Variants in UNC5C observed in about 807,000 individuals in gnomAD.
UNC5C encodes netrin receptor UNC5C.
A neutral mutation model predicts 99.8 loss-of-function variants in UNC5C; 47 were observed. The observed-to-expected ratio is 0.47, with a 90% CI of 0.37 to 0.60. The LOEUF is 0.60. Among genes scored for constraint, UNC5C ranks in the 20% least tolerant of loss-of-function variants. UNC5C has a pLI of 0.00. For synonymous variants in UNC5C, 487 were observed against 452.2 expected, an observed-to-expected ratio of 1.08 and a Z score of -0.98; for missense variants, 1,062 against 1,165.9, an observed-to-expected ratio of 0.91 and a Z score of 1.30.
chr4:95,376,159 C>T (rs891154393), intron 1 of UNC5C, among the ~76,000 whole-genome samples: 13 of 151,738 alleles, frequency 8.6e-5, no homozygotes, highest in Non-Finnish European at 1.9e-4. Context: ...GATATCTGTT[C>T]CTTTCTATAT....
chr4:95,250,362 G>T, intron 5 of UNC5C, 125 bp downstream of exon 5: 1 of 1,039,294 alleles, frequency 9.6e-7, no homozygotes, highest in Non-Finnish European at 1.4e-6. Context: ...GCCAGCCTGG[G>T]TGACAGAGCA....
At chr4:95,304,973 C>G (rs866168454) in intron 2 of UNC5C, among the ~76,000 whole-genome samples, 13 of 152,288 alleles carry the variant, frequency 8.5e-5, no homozygotes, top group South Asian at 4.1e-4. Context: ...GACCACAAAT[C>G]TGAAGCCTTT....
At chr4:95,301,835 C>T (rs1321407846) in intron 2 of UNC5C, 86 bp from the exon 3 acceptor site, 1 of 1,499,874 alleles carries the variant, frequency 6.7e-7, no homozygotes, top group African/African-American at 1.4e-5. Context: ...TTCCCCCAGT[C>T]ATCCCTTTTG....
intron 2 of UNC5C, among the ~76,000 whole-genome samples, chr4:95,321,930 G>T (rs1742707765): frequency 6.6e-6 from 1 of 152,102 alleles, no homozygotes; most frequent in Admixed American, 6.5e-5. Flanking sequence ...ATACTGAAAA[G>T]AAAAATTGTT....
At chr4:95,329,074 T>C (rs1377640904) in intron 2 of UNC5C, among the ~76,000 whole-genome samples, 1 of 152,084 alleles carries the variant, frequency 6.6e-6, no homozygotes, top group Admixed American at 6.6e-5. Flanking sequence ...CAGGATCACT[T>C]GAGCACAGGA....
chr4:95,203,776 CAT>C (rs1289865410), intron 11 of UNC5C, among the ~76,000 whole-genome samples: 1 of 152,010 alleles, frequency 6.6e-6, no homozygotes, highest in Non-Finnish European at 1.5e-5. Context: ...AACTTTTTAA[CAT>C]GTTTTATATA....
chr4:95,538,010 C>T (rs1722824586), intron 1 of UNC5C, among the ~76,000 whole-genome samples: 1 of 152,170 alleles, frequency 6.6e-6, no homozygotes, highest in African/African-American at 2.4e-5. Context: ...TAAGCTTCTC[C>T]ATATGATTTT....
chr4:95,541,110 C>T (rs555900674), intron 1 of UNC5C, among the ~76,000 whole-genome samples: 2 of 152,072 alleles, frequency 1.3e-5, no homozygotes, highest in Non-Finnish European at 1.5e-5. Context: ...CTCCTTTTAC[C>T]TTTAGTAAAG....
intron 1 of UNC5C, among the ~76,000 whole-genome samples, chr4:95,539,548 G>C (rs1278968584): frequency 6.6e-6 from 1 of 152,120 alleles, no homozygotes; most frequent in Non-Finnish European, 1.5e-5. Context: ...AAGTTAAAAA[G>C]TTTTTTCCAT....
intron 14 of UNC5C, among the ~76,000 whole-genome samples, chr4:95,175,712 A>AT (rs1421809716): frequency 3.9e-5 from 6 of 152,106 alleles, no homozygotes; most frequent in African/African-American, 1.2e-4. Flanking sequence ...GAATCTGACA[A>AT]TTATGTGTCT....
chr4:95,477,628 C>G (rs201274211), intron 1 of UNC5C, among the ~76,000 whole-genome samples: 1 of 151,984 alleles, frequency 6.6e-6, no homozygotes, highest in African/African-American at 2.4e-5. Context: ...GTTCATTCAC[C>G]CAGCAGCCTT....
intron 1 of UNC5C, among the ~76,000 whole-genome samples, chr4:95,463,843 G>A (rs1263441201): frequency 6.6e-6 from 1 of 152,094 alleles, no homozygotes; most frequent in Non-Finnish European, 1.5e-5. Flanking sequence ...TTGCCCCCTA[G>A]GAACAGTCTA....
intron 12 of UNC5C, among the ~76,000 whole-genome samples, chr4:95,186,002 A>G (rs927857889): frequency 6.6e-6 from 1 of 152,324 alleles, no homozygotes. Context: ...GATTCTATAT[A>G]TACTTCCATT....
At chr4:95,453,359 G>T (rs1747328503) in intron 1 of UNC5C, among the ~76,000 whole-genome samples, 1 of 152,020 alleles carries the variant, frequency 6.6e-6, no homozygotes, top group South Asian at 2.1e-4. Flanking sequence ...AAAGCCAAAT[G>T]TTGGATAAGA....
chr4:95,389,503 T>C lies in UNC5C; in HGVS notation c.125-53872A>G, dbSNP rs377338611. Among the ~76,000 whole-genome samples the C allele has an allele frequency of 2.4e-4, 36 of 152,290 alleles. No individual in the cohort carries two copies. In the South Asian group the frequency reaches 5.8e-3, roughly 25 times the overall value. ...AATTCTATCTGGTAGCCACTAGCTA[T>C]ATGTGGCTATCTAGCATTTGAAATG... On this transcript the variant is annotated intron_variant, in intron 1 of 15. Coordinates refer to ENST00000453304, the MANE Select transcript of UNC5C (RefSeq NM_003728.4).
intron 1 of UNC5C, among the ~76,000 whole-genome samples, chr4:95,452,531 A>G (rs952035171): frequency 6.6e-6 from 1 of 152,172 alleles, no homozygotes; most frequent in East Asian, 1.9e-4. Context: ...ACACTACCAT[A>G]CAAGATAATG....
intron 1 of UNC5C, among the ~76,000 whole-genome samples, chr4:95,414,248 AG>A (rs1427518241): frequency 6.6e-6 from 1 of 150,972 alleles, no homozygotes; most frequent in Non-Finnish European, 1.5e-5. Flanking sequence ...TGGTAGAGAG[AG>A]AAAGTTACCA....
intron 1 of UNC5C, among the ~76,000 whole-genome samples, chr4:95,363,052 G>T (rs1217978425): frequency 2.0e-5 from 3 of 152,076 alleles, no homozygotes; most frequent in Non-Finnish European, 4.4e-5. Flanking sequence ...AGAAACCCTA[G>T]CTACACCTCT....
At chr4:95,175,915 C>G (rs1736322837) in intron 14 of UNC5C, among the ~76,000 whole-genome samples, 1 of 151,370 alleles carries the variant, frequency 6.6e-6, no homozygotes, top group Non-Finnish European at 1.5e-5. Context: ...CCACATAGTC[C>G]CATATTTCTT....
Sources: gnomAD v4.1 joint callset for allele counts (sites outside exome capture counted in the v4.1 genomes callset) on GRCh38, gnomAD v4.1.1 for gene constraint, MANE v1.5 for transcripts, NCBI Gene and HGNC (gene_info 2026-07-23, HGNC 2026-07-21) for gene names.